FBN1: variants seen among roughly 807,000 people sequenced by gnomAD.
FBN1 encodes fibrillin-1.
In FBN1, 29 loss-of-function variants were observed where a neutral mutation model predicts 365.1. The ratio of observed to expected loss-of-function variants is 0.08; its 90% CI spans 0.06 to 0.11. FBN1 has a LOEUF of 0.11. Ranked by LOEUF, FBN1 falls within the 10% of genes least tolerant of loss-of-function variation. The pLI is 1.00. For missense variants in FBN1, 2,476 were observed against 3,703.2 expected (o/e 0.67, Z 8.60); for synonymous variants, 1,210 against 1,270.5 (o/e 0.95, Z 1.01).
rs1269708804 is a variant in FBN1, at chr15:48,469,106, A to G, written c.4460-572T>C. On this transcript the variant is annotated intron_variant, in intron 36 of 65. Coordinates refer to ENST00000316623, the MANE Select transcript of FBN1 (RefSeq NM_000138.5). The stretch of plus-strand genomic sequence containing the variant: ...TATATATATATATAAAATATAATAT[A>G]TATTACATATATATATAAAATATAA... Among the ~76,000 whole-genome samples, 23 of 103,130 alleles carry G rather than the reference A, an allele frequency of 2.2e-4. 1 individual carries two copies. Among genetic ancestry groups the G allele is most frequent in the African/African-American group, 8.9e-4 (22 of 24,740 alleles). 67.7% of individuals were successfully genotyped at this position (103,130 alleles called of 152,430 possible).
chr15:48,586,488 A>AGTAC (rs1159409528), intron 6 of FBN1, among the ~76,000 whole-genome samples: 1 of 152,244 alleles, frequency 6.6e-6, no homozygotes, highest in Non-Finnish European at 1.5e-5. Context: ...TTCTAGAAGT[A>AGTAC]GTACCCCCAG....
At chr15:48,484,013 C>G in intron 30 of FBN1, 70 bp from the exon 31 acceptor site, 1 of 1,514,354 alleles carries the variant, frequency 6.6e-7, no homozygotes, top group Non-Finnish European at 9.1e-7. Context: ...AAAACATTAA[C>G]TGACCGCAGT....
intron 14 of FBN1, among the ~76,000 whole-genome samples, chr15:48,509,756 C>G (rs936114706): frequency 6.6e-6 from 1 of 151,770 alleles, no homozygotes; most frequent in African/African-American, 2.4e-5. Flanking sequence ...AAAAAATGTA[C>G]AAATTCTGAT....
chr15:48,509,636 G>A (rs900570397), intron 14 of FBN1, among the ~76,000 whole-genome samples: 2 of 150,000 alleles, frequency 1.3e-5, no homozygotes, highest in African/African-American at 4.9e-5. Context: ...ATCTATTTTA[G>A]ATATATATTT....
At chr15:48,602,217 C>T (rs531338760) in intron 4 of FBN1, among the ~76,000 whole-genome samples, 20 of 152,260 alleles carry the variant, frequency 1.3e-4, no homozygotes, top group South Asian at 4.1e-4. Context: ...TGCTTCCTTC[C>T]GCTAATCTTT....
intron 6 of FBN1, among the ~76,000 whole-genome samples, chr15:48,574,839 T>C (rs913730606): frequency 6.6e-6 from 1 of 152,230 alleles, no homozygotes; most frequent in African/African-American, 2.4e-5. Context: ...TCCAATTTTA[T>C]GAATATCACT....
At chr15:48,457,223 T>C (rs908465954) in intron 43 of FBN1, among the ~76,000 whole-genome samples, 2 of 152,160 alleles carry the variant, frequency 1.3e-5, no homozygotes, top group African/African-American at 4.8e-5. Flanking sequence ...CCCTTCCTAC[T>C]TCATGTGGCT....
rs764048331 is a variant in FBN1 at position 48,448,872 on chromosome 15, A to T, written c.5567T>A (p.Ile1856Asn). 2.5e-6 allele frequency: 4 copies of T among 1,612,176 alleles called. No individual in the cohort carries two copies. In the African/African-American group the frequency reaches 4.0e-5, roughly 16 times the overall value. The change falls in exon 46 of 66, where the codon ATC becomes AAC. Residue 1856 changes from isoleucine to asparagine, a missense_variant. This residue lies in a region of FBN1 where 1,780 missense variants were observed against 2,840.8 expected (regional missense o/e 0.63). Coordinates refer to ENST00000316623, the MANE Select transcript of FBN1 (RefSeq NM_000138.5). Reference sequence around the variant, plus strand: ...CTGCCCATGACTGCATATATTGGGGATTTCTTGACATTCATTACGATCTGT... The same window carrying T: ...CTGCCCATGACTGCATATATTGGGGTTTTCTTGACATTCATTACGATCTGT... ...QCNDRNECQE[I>N]PNICSHGQCI...
chr15:48,433,686 A>T (rs74423740), intron 54 of FBN1, among the ~76,000 whole-genome samples: 2,725 of 152,322 alleles, frequency 0.018, 63 homozygotes, highest in African/African-American at 0.055. Context: ...GACCATCTCA[A>T]CTATCATGTT....
intron 6 of FBN1, among the ~76,000 whole-genome samples, chr15:48,540,303 G>A (rs917074583): frequency 1.1e-4 from 16 of 152,144 alleles, no homozygotes; most frequent in African/African-American, 3.6e-4. Flanking sequence ...CCTTGATAAC[G>A]TATTGATTAT....
intron 64 of FBN1, among the ~76,000 whole-genome samples, chr15:48,413,221 T>A (rs1323250649): frequency 2.6e-5 from 4 of 152,280 alleles, no homozygotes; most frequent in African/African-American, 9.6e-5. Context: ...ACTCAAGCTT[T>A]GGAGCAATTG....
intron 2 of FBN1, among the ~76,000 whole-genome samples, chr15:48,621,743 CT>C (rs1889770508): frequency 6.6e-6 from 1 of 152,008 alleles, no homozygotes; most frequent in Admixed American, 6.6e-5. Context: ...AATCCCAGTA[CT>C]TTCGGAGGCT....
chr15:48,492,929 G>A (rs2043574580), intron 23 of FBN1, among the ~76,000 whole-genome samples: 1 of 152,164 alleles, frequency 6.6e-6, no homozygotes, highest in Admixed American at 6.5e-5. Context: ...CCAGATGTCT[G>A]GAAATGAGTA....
At chr15:48,610,005 A>T in intron 4 of FBN1, among the ~76,000 whole-genome samples, 1 of 152,342 alleles carries the variant, frequency 6.6e-6, no homozygotes, top group South Asian at 2.1e-4. Context: ...ATTTTCTTAC[A>T]GGACAAAAAG....
At chr15:48,533,866 G>C (rs941154403) in intron 8 of FBN1, among the ~76,000 whole-genome samples, 2 of 152,134 alleles carry the variant, frequency 1.3e-5, no homozygotes, top group Non-Finnish European at 2.9e-5. Context: ...TGGACCTCTT[G>C]TTTTGGGTCT....
At chr15:48,558,610 T>G (rs535936856) in intron 6 of FBN1, among the ~76,000 whole-genome samples, 1 of 152,146 alleles carries the variant, frequency 6.6e-6, no homozygotes, top group Non-Finnish European at 1.5e-5. Context: ...GCACACAAAT[T>G]AGCAAAATAT....
intron 43 of FBN1, among the ~76,000 whole-genome samples, chr15:48,457,591 G>C (rs1039425946): frequency 2.6e-5 from 4 of 152,100 alleles, no homozygotes; most frequent in Admixed American, 6.5e-5. Flanking sequence ...GCCTGGAGTG[G>C]TCCCATCTCT....
At chr15:48,623,490 A>G (rs1889809083) in intron 2 of FBN1, among the ~76,000 whole-genome samples, 1 of 152,248 alleles carries the variant, frequency 6.6e-6, no homozygotes, top group African/African-American at 2.4e-5. Context: ...TAGACAAATA[A>G]CACACATATG....
chr15:48,609,468 A>C (rs1012517249), intron 4 of FBN1, among the ~76,000 whole-genome samples: 1 of 152,246 alleles, frequency 6.6e-6, no homozygotes, highest in Non-Finnish European at 1.5e-5. Context: ...GGAAAGTGAG[A>C]CAAAAAGAGA....
Sources: allele counts gnomAD v4.1 joint callset (sites outside exome capture counted in the v4.1 genomes callset), GRCh38; gene constraint gnomAD v4.1.1; regional missense constraint gnomAD v4.1.1; transcripts MANE v1.5; gene names NCBI Gene and HGNC (gene_info 2026-07-23, HGNC 2026-07-21).